Variants in CDIP1 observed in about 807,000 individuals in gnomAD.
CDIP1 encodes cell death-inducing p53-target protein 1.
In CDIP1, 9 loss-of-function variants were observed where a neutral mutation model predicts 17.7. The observed-to-expected ratio is 0.51, with a 90% CI of 0.31 to 0.89. The LOEUF (loss-of-function observed/expected upper bound fraction) is 0.89, where lower values mean the gene tolerates loss of function less well. CDIP1 is among the 40% of genes least tolerant of loss of function. The probability of loss-of-function intolerance (pLI) is 0.05; values close to 1 mark genes in which losing one functional copy is unlikely to be tolerated. For missense variants in CDIP1, 263 were observed against 277.9 expected (o/e 0.95, Z 0.38); for synonymous variants, 117 against 109.5 (o/e 1.07, Z -0.43).
intron 1 of CDIP1, among the ~76,000 whole-genome samples, chr16:4,525,672 G>C (rs538270657): frequency 6.6e-6 from 1 of 152,314 alleles, no homozygotes; most frequent in Admixed American, 6.5e-5. Flanking sequence ...TCCCAACGCT[G>C]GGTGATGAGC....
intron 1 of CDIP1, among the ~76,000 whole-genome samples, chr16:4,530,078 G>A (rs74925434): frequency 0.071 from 10,810 of 152,266 alleles, 705 homozygotes; most frequent in African/African-American, 0.17. Context: ...AGAACAGTGA[G>A]GACAGTGGCT....
At chr16:4,524,139 C>T (rs1421883528) in intron 1 of CDIP1, 1 of 152,304 alleles carries the variant, frequency 6.6e-6, no homozygotes, top group Non-Finnish European at 1.5e-5. Context: ...AATTCCTCAA[C>T]CTCTCTGAGC....
chr16:4,538,444 A>ACCCACCGCCCAC (rs1439673790), intron 1 of CDIP1: 10 of 150,024 alleles, frequency 6.7e-5, no homozygotes, highest in East Asian at 2.0e-4. Context: ...AAACCCCCCA[A>ACCCACCGCCCAC]CCCACCGCCC....
intron 1 of CDIP1, among the ~76,000 whole-genome samples, chr16:4,526,223 G>A (rs1280275223): frequency 1.3e-5 from 2 of 152,070 alleles, no homozygotes; most frequent in East Asian, 3.9e-4. Flanking sequence ...TGGCCAACAT[G>A]GTGAAACTCT....
intron 1 of CDIP1, among the ~76,000 whole-genome samples, chr16:4,534,335 G>A (rs1365573264): frequency 6.6e-6 from 1 of 152,198 alleles, no homozygotes; most frequent in Non-Finnish European, 1.5e-5. Flanking sequence ...GCGTCCTCAG[G>A]AAAGTACTTA....
Position 4,512,845 on chromosome 16 carries a change from G to A in CDIP1, c.461C>T (p.Ser154Phe). 6.4e-7 allele frequency: 1 copy of A among 1,562,500 alleles called. No individual in the cohort carries two copies. Among genetic ancestry groups the A allele is most frequent in the Non-Finnish European group, 8.7e-7 (1 of 1,152,790 alleles). The stretch of plus-strand genomic sequence containing the variant: ...GAAATTCATCAAGCCAATCTCGTAG[G>A]AGATCTTGGTGGTGATGGCCTGCTG... The part of the protein sequence containing the change: ...HCQQAITTKI[S>F]YEIGLMNFVL... Residue 154 changes from serine to phenylalanine, a missense_variant, in exon 5 of 6, where the codon TCC becomes TTC. Coordinates refer to ENST00000567695, the MANE Select transcript of CDIP1 (RefSeq NM_013399.3). The surrounding 1 kb of genome is among the most constrained non-coding windows in gnomAD (Gnocchi z 4.6).
At position 4,514,002 on chromosome 16, in the gene CDIP1, G is replaced by A. The variant is rs749741388; in HGVS notation, c.85+44C>T. 4.4e-6 allele frequency: 6 copies of A among 1,358,514 alleles called. No individual in the cohort carries two copies. In the East Asian group the frequency reaches 1.3e-4, roughly 30 times the overall value. 84.2% of individuals were successfully genotyped at this position (1,358,514 alleles called of 1,614,324 possible). A position where few individuals can be genotyped will look rare whatever the true frequency, so the allele number is the denominator to read the frequency against. ...AGAGAGTCCCAACCATGCCATGGCG[G>A]CAGGGGGCTGCAATATGGAGCCTCA... On this transcript the variant is annotated intron_variant, in intron 3 of 5. Coordinates refer to ENST00000567695, the MANE Select transcript of CDIP1 (RefSeq NM_013399.3). The surrounding 1 kb of genome is among the most constrained non-coding windows in gnomAD (Gnocchi z 5.2).
At chr16:4,529,484 G>C (rs2059033462) in intron 1 of CDIP1, among the ~76,000 whole-genome samples, 1 of 152,186 alleles carries the variant, frequency 6.6e-6, no homozygotes, top group African/African-American at 2.4e-5. Context: ...TCTCCTGCTA[G>C]CAGAGAAAAT....
intron 1 of CDIP1, among the ~76,000 whole-genome samples, chr16:4,527,931 C>T (rs901577165): frequency 1.3e-5 from 2 of 152,100 alleles, no homozygotes; most frequent in African/African-American, 4.8e-5. Context: ...ATTCTTCTGC[C>T]TCAGCCTCCT....
chr16:4,522,680 G>A (rs1043972713), intron 1 of CDIP1, among the ~76,000 whole-genome samples: 5 of 152,358 alleles, frequency 3.3e-5, no homozygotes, highest in African/African-American at 7.2e-5. Flanking sequence ...GCCCAAACCA[G>A]GTCTGGAGGA....
chr16:4,512,764 C>G lies in CDIP1; in HGVS notation c.515+27G>C, dbSNP rs753097672. The G allele has an allele frequency of 3.0e-5, 48 of 1,596,964 alleles. 1 individual carries two copies. In the South Asian group the frequency reaches 4.9e-4, roughly 16 times the overall value. The stretch of plus-strand genomic sequence containing the variant: ...AGCCAGTTGACCCTGGTGCAGCCCC[C>G]ACCCTACCAGTGCCCACACCACCTA... On this transcript the variant is annotated intron_variant, in intron 5 of 5. Coordinates refer to ENST00000567695, the MANE Select transcript of CDIP1 (RefSeq NM_013399.3). The surrounding 1 kb of genome is among the most constrained non-coding windows in gnomAD (Gnocchi z 4.6).
intron 1 of CDIP1, among the ~76,000 whole-genome samples, chr16:4,523,505 T>C (rs8049054): frequency 0.03 from 4,554 of 151,856 alleles, 218 homozygotes; most frequent in African/African-American, 0.1. Flanking sequence ...AGAGCGGGAC[T>C]CCATCTCAAA....
At chr16:4,529,638 C>T (rs1302537318) in intron 1 of CDIP1, among the ~76,000 whole-genome samples, 1 of 152,204 alleles carries the variant, frequency 6.6e-6, no homozygotes, top group Admixed American at 6.5e-5. Context: ...TTAGAAACAG[C>T]ATGAACCTAA....
chr16:4,523,693 TC>T (rs1380705215), intron 1 of CDIP1: 2 of 152,144 alleles, frequency 1.3e-5, no homozygotes, highest in African/African-American at 4.8e-5. Flanking sequence ...GTTCTGGAGC[TC>T]TAACACCATC....
intron 1 of CDIP1, chr16:4,522,365 A>C (rs1261862119): frequency 6.6e-6 from 1 of 152,234 alleles, no homozygotes; most frequent in Non-Finnish European, 1.5e-5. Flanking sequence ...CTGCCCAGAC[A>C]CATTTCTCAG....
In CDIP1 at chr16:4,513,905, G is replaced by C; in HGVS notation, c.86-54C>G. ...CTGAGCTGGAGCCTCTGCACGATGAGCTCGACCAGAGGCCACTGTTTTGGG... is the reference window on the plus strand; with the variant it reads ...CTGAGCTGGAGCCTCTGCACGATGACCTCGACCAGAGGCCACTGTTTTGGG... On this transcript the variant is annotated intron_variant, in intron 3 of 5. Transcript: ENST00000567695. This position sits in a 1 kb window ranked among gnomAD's most constrained non-coding sequence, Gnocchi z 4.1. 1 of 1,492,306 alleles carries C rather than the reference G, an allele frequency of 6.7e-7. No individual in the cohort carries two copies. Among genetic ancestry groups the C allele is most frequent in the Non-Finnish European group, 9.0e-7 (1 of 1,112,090 alleles). 92.4% of individuals were successfully genotyped at this position (1,492,306 alleles called of 1,614,324 possible).
intron 1 of CDIP1, among the ~76,000 whole-genome samples, chr16:4,537,906 G>C (rs1233885032): frequency 6.6e-6 from 1 of 152,242 alleles, no homozygotes; most frequent in African/African-American, 2.4e-5. Flanking sequence ...ATCTCCGCCG[G>C]GGATGCGCGG....
intron 1 of CDIP1, among the ~76,000 whole-genome samples, chr16:4,523,229 T>C (rs535331960): frequency 6.6e-6 from 1 of 152,238 alleles, no homozygotes; most frequent in African/African-American, 2.4e-5. Context: ...TAAAGACACG[T>C]CCCTGGCTGG....
At chr16:4,528,652 G>C (rs1023518998) in intron 1 of CDIP1, among the ~76,000 whole-genome samples, 3 of 122,348 alleles carry the variant, frequency 2.5e-5, no homozygotes, top group Non-Finnish European at 4.8e-5. Context: ...CTGCACTCTA[G>C]CATGGACAAC....
Sources: gnomAD v4.1 joint callset for allele counts (sites outside exome capture counted in the v4.1 genomes callset) on GRCh38, gnomAD v4.1.1 for gene constraint, Gnocchi (gnomAD v3.1) non-coding constraint, MANE v1.5 for transcripts, NCBI Gene and HGNC (gene_info 2026-07-23, HGNC 2026-07-21) for gene names.